TSHZ3: variants seen among roughly 807,000 people sequenced by gnomAD.
TSHZ3 encodes teashirt zinc finger homeobox 3.
TSHZ3 carries 10 observed loss-of-function variants against 64.5 expected under a neutral mutation model. That is an observed-to-expected ratio of 0.16 (90% CI 0.10 to 0.26). TSHZ3 has a LOEUF of 0.26. TSHZ3 is among the 10% of genes least tolerant of loss of function. The pLI, the probability that TSHZ3 is intolerant of heterozygous loss-of-function variation, is 1.00. For synonymous variants in TSHZ3, 608 were observed against 593.1 expected, an observed-to-expected ratio of 1.03 and a Z score of -0.36; for missense variants, 1,242 against 1,421.7, an observed-to-expected ratio of 0.87 and a Z score of 2.03.
At chr19:31,183,228 T>TCTTTC (rs1568340034) in intron 5 of TSHZ3, among the ~76,000 whole-genome samples, 22 of 12,566 alleles carry the variant, frequency 1.8e-3, no homozygotes, top group African/African-American at 5.0e-3. Context: ...CTCTCTCTCT[T>TCTTTC]TCTCTCTCTC....
intron 1 of TSHZ3, among the ~76,000 whole-genome samples, chr19:31,320,555 G>A (rs575758959): frequency 6.6e-6 from 1 of 152,262 alleles, no homozygotes; most frequent in South Asian, 2.1e-4. Flanking sequence ...CGGGTTGGGG[G>A]CCACATGTTT....
At chr19:31,201,541 AAAT>A (rs1269120724) in intron 5 of TSHZ3, among the ~76,000 whole-genome samples, 5 of 152,240 alleles carry the variant, frequency 3.3e-5, no homozygotes, top group African/African-American at 1.2e-4. Context: ...CTAAAGGAAT[AAAT>A]AAGCCACACT....
intron 6 of TSHZ3, among the ~76,000 whole-genome samples, chr19:31,154,114 A>G (rs1286839420): frequency 1.3e-5 from 2 of 152,196 alleles, no homozygotes; most frequent in Admixed American, 6.5e-5. Flanking sequence ...TGAAAAGAAC[A>G]TGCCTGGGCT....
rs1429691355 is a variant in TSHZ3 at position 31,277,379 on chromosome 19, G to A, written c.2414C>T (p.Ser805Leu). The A allele has an allele frequency of 6.2e-7, 1 of 1,614,114 alleles. No homozygotes were observed. Among genetic ancestry groups the A allele is most frequent in the East Asian group, 2.2e-5 (1 of 44,890 alleles). The change falls in exon 2 of 2, where the codon TCA (serine) becomes TTA (leucine). Residue 805 changes from serine to leucine, a missense_variant. By Grantham distance (145) the Ser-to-Leu change is moderately radical (BLOSUM62 -2). This residue lies in a region of TSHZ3 where 550 missense variants were observed against 545.1 expected (regional missense o/e 1.01). Coordinates refer to ENST00000240587, the MANE Select transcript of TSHZ3 (RefSeq NM_020856.4). The surrounding 1 kb of genome is among the most constrained non-coding windows in gnomAD (Gnocchi z 4.5). ...TGTGGACGTGGGTGACAGAAGCACT[G>A]AACCCAAGGAGCAGCCTTTGTCACT... ...GKSDKGCSLGSVLLSPTSTAP... is the reference protein window; with the variant it reads ...GKSDKGCSLGLVLLSPTSTAP...
chr19:31,342,315 A>G (rs1490597901), intron 1 of TSHZ3, among the ~76,000 whole-genome samples: 1 of 152,238 alleles, frequency 6.6e-6, no homozygotes, highest in Non-Finnish European at 1.5e-5. Context: ...GAGGGGTTTA[A>G]CAGGGAAAAA....
At chr19:31,211,932 T>C (rs1434318911) in intron 4 of TSHZ3, among the ~76,000 whole-genome samples, 1 of 152,182 alleles carries the variant, frequency 6.6e-6, no homozygotes, top group African/African-American at 2.4e-5. Flanking sequence ...TGAGGTTATA[T>C]AAAGATATCC....
chr19:31,244,668 T>A (rs1476717552), intron 1 of TSHZ3, among the ~76,000 whole-genome samples: 1 of 152,186 alleles, frequency 6.6e-6, no homozygotes, highest in Non-Finnish European at 1.5e-5. Context: ...AATTGAGATA[T>A]GGCCTGGCTC....
In TSHZ3 at chr19:31,252,517, G is replaced by A. The variant is rs573262684; in HGVS notation, n.64-9642C>T. Among the ~76,000 whole-genome samples, 5 of 152,280 alleles carry A rather than the reference G, an allele frequency of 3.3e-5. No homozygotes were observed. The East Asian group carries it at 9.7e-4, about 29-fold the overall frequency. On this transcript the variant is annotated intron_variant and non_coding_transcript_variant, in intron 1 of 6. Coordinates refer to the TSHZ3 transcript ENST00000651361. Reference sequence around the variant, plus strand: ...ACATGTCAAGCATGGGACCAGGTGGGAGTAACTGGATCCTGAGGTCAGTTT... The same window carrying A: ...ACATGTCAAGCATGGGACCAGGTGGAAGTAACTGGATCCTGAGGTCAGTTT...
chr19:31,203,247 G>A lies in TSHZ3; in HGVS notation n.809+1709C>T, dbSNP rs151335239. On this transcript the variant is annotated intron_variant and non_coding_transcript_variant, in intron 5 of 6. Transcript: ENST00000651361. ...CATGTATGAATGCCCTGAGAAGGAG[G>A]CACAATTGGCATGCTGAAGGAACAA... 3.5e-3 allele frequency among the ~76,000 whole-genome samples: 533 copies of A among 152,172 alleles called. 2 individuals are homozygous for A. The highest frequency in any genetic ancestry group is 4.0e-3 in the Admixed American group (61 of 15,288).
At chr19:31,239,649 A>G (rs577849668) in intron 3 of TSHZ3, among the ~76,000 whole-genome samples, 19 of 152,200 alleles carry the variant, frequency 1.2e-4, no homozygotes, top group Admixed American at 5.9e-4. Context: ...TGGTGCAATC[A>G]TAGCTCACTA....
At chr19:31,155,569 G>T (rs1251225783) in intron 6 of TSHZ3, among the ~76,000 whole-genome samples, 3 of 152,218 alleles carry the variant, frequency 2.0e-5, no homozygotes, top group African/African-American at 4.8e-5. Context: ...AGTCAGGCAG[G>T]CTTCTAGGGC....
At chr19:31,187,066 C>A (rs1327291163) in intron 5 of TSHZ3, among the ~76,000 whole-genome samples, 1 of 152,026 alleles carries the variant, frequency 6.6e-6, no homozygotes, top group African/African-American at 2.4e-5. Flanking sequence ...ACTTCTCTTA[C>A]TTTTAACACA....
At chr19:31,202,016 A>C (rs1568346165) in intron 5 of TSHZ3, among the ~76,000 whole-genome samples, 1 of 152,028 alleles carries the variant, frequency 6.6e-6, no homozygotes, top group Non-Finnish European at 1.5e-5. Flanking sequence ...AAAATATAAA[A>C]ATTAGCTGAG....
intron 5 of TSHZ3, among the ~76,000 whole-genome samples, chr19:31,157,567 T>C (rs773721420): frequency 3.3e-5 from 5 of 152,070 alleles, no homozygotes; most frequent in African/African-American, 1.2e-4. Context: ...AGATCACCAA[T>C]ACAAAAAAAT....
chr19:31,268,136 G>A (rs1976080748), intron 1 of TSHZ3, among the ~76,000 whole-genome samples: 1 of 152,140 alleles, frequency 6.6e-6, no homozygotes, highest in Non-Finnish European at 1.5e-5. Flanking sequence ...TGTCTTGCCT[G>A]CCACCATGTA....
intron 1 of TSHZ3, among the ~76,000 whole-genome samples, chr19:31,262,573 T>C (rs538539385): frequency 6.6e-6 from 1 of 152,336 alleles, no homozygotes; most frequent in Non-Finnish European, 1.5e-5. Context: ...GAAGTTCACT[T>C]TGTAAAAAAA....
At chr19:31,240,476 T>C (rs1975672751) in intron 3 of TSHZ3, among the ~76,000 whole-genome samples, 1 of 152,208 alleles carries the variant, frequency 6.6e-6, no homozygotes, top group Admixed American at 6.5e-5. Context: ...CTCATATTTG[T>C]TTCCGCATTT....
At chr19:31,273,364 C>T (rs188984968), downstream of TSHZ3, among the ~76,000 whole-genome samples, 2 of 152,278 alleles carry the variant, frequency 1.3e-5, no homozygotes, top group African/African-American at 4.8e-5. Context: ...GAACCTGCGG[C>T]CTACCTTGGC....
intron 3 of TSHZ3, among the ~76,000 whole-genome samples, chr19:31,232,383 G>A (rs773098835): frequency 1.3e-4 from 20 of 152,186 alleles, no homozygotes; most frequent in Admixed American, 1.1e-3. Flanking sequence ...GAGGGTGTGT[G>A]AGAGCCTTGT....
Sources: gnomAD v4.1 joint callset for allele counts (sites outside exome capture counted in the v4.1 genomes callset) on GRCh38, gnomAD v4.1.1 for gene constraint, gnomAD v4.1.1 regional missense constraint, Gnocchi (gnomAD v3.1) non-coding constraint, MANE v1.5 for transcripts, NCBI Gene and HGNC (gene_info 2026-07-23, HGNC 2026-07-21) for gene names.